PRRT3: variants seen among roughly 807,000 people sequenced by gnomAD.
The protein encoded by PRRT3 is proline rich transmembrane protein 3.
PRRT3 carries 48 observed loss-of-function variants against 56.6 expected under a neutral mutation model. The ratio of observed to expected loss-of-function variants is 0.85; its 90% CI spans 0.67 to 1.08. The LOEUF is 1.08. PRRT3 is among the 50% of genes least tolerant of loss of function. The pLI, the probability that PRRT3 is intolerant of heterozygous loss-of-function variation, is 0.00. For synonymous variants in PRRT3, 641 were observed against 619.1 expected (o/e 1.04, Z -0.52); for missense variants, 1,370 against 1,353.1 (o/e 1.01, Z -0.20).
At position 9,947,897 on chromosome 3, in the gene PRRT3, G is replaced by T. The variant is rs1261474191; in HGVS notation, c.1276C>A (p.Arg426=). The T allele has an allele frequency of 4.2e-6, 6 of 1,424,848 alleles. No homozygotes were observed. Among genetic ancestry groups the T allele is most frequent in the Non-Finnish European group, 5.5e-6 (6 of 1,091,612 alleles). The allele number at this position is 1,424,848 out of a possible 1,614,324, so 88.3% of individuals were successfully genotyped here. The change falls in exon 4 of 4, where the codon CGA becomes AGA. Residue 426 remains arginine (R), a synonymous_variant. Transcript: ENST00000412055. This position sits in a 1 kb window ranked among gnomAD's most constrained non-coding sequence, Gnocchi z 9.2. ...GGAGGGGGAGGCTGGCCCAGGGCTCGCTGCGTGGTGACTCGAATGAGGCCC... is the reference window on the plus strand; with the variant it reads ...GGAGGGGGAGGCTGGCCCAGGGCTCTCTGCGTGGTGACTCGAATGAGGCCC... ...RRGLIRVTTQ[R]ALGQPPPPEP... is the part of the protein sequence containing the mutation.
rs1457014010 is a variant in PRRT3, at chr3:9,949,507, G to A, written c.609C>T (p.Asp203=). 1 of 1,613,988 alleles carries A rather than the reference G, an allele frequency of 6.2e-7. No individual in the cohort carries two copies. The highest frequency in any genetic ancestry group is 1.7e-5 in the Admixed American group (1 of 60,014). ...KSRVPPTSPS[D]HQGPPHTLVS... ...CAAGGGTGTGGGGTGGGCCCTGGTG[G>A]TCTGAGGGAGAAGTGGGTGGGACCC... Residue 203 remains aspartate, a synonymous_variant, in exon 2 of 4, where the codon GAC becomes GAT. Transcript: ENST00000412055. The surrounding 1 kb of genome is among the most constrained non-coding windows in gnomAD (Gnocchi z 4.5).
chr3:9,947,653 G>C lies in PRRT3; in HGVS notation c.1520C>G (p.Ala507Gly). ...CGCCGAAGCCACGAGCACCAGCACC[G>C]CGGCCACCAATGCCAGCCGGGGCCC... ...PAGPRLALVA[A>G]VLVLVASALR... is the part of the protein sequence containing the mutation. Residue 507 changes from alanine to glycine, a missense_variant, in exon 4 of 4, where the codon GCG becomes GGG. Ala to Gly is a moderately conservative substitution (Grantham distance 60). Coordinates refer to ENST00000412055, the MANE Select transcript of PRRT3 (RefSeq NM_207351.5). The surrounding 1 kb of genome is among the most constrained non-coding windows in gnomAD (Gnocchi z 9.2). The C allele has an allele frequency of 6.4e-7, 1 of 1,571,328 alleles. No homozygotes were observed. Among genetic ancestry groups the C allele is most frequent in the Non-Finnish European group, 8.6e-7 (1 of 1,160,316 alleles).
At position 9,950,131 on chromosome 3, in the gene PRRT3, C is replaced by T. The variant is rs1370698637; in HGVS notation, c.-16G>A. On this transcript the variant is annotated 5_prime_UTR_variant, in exon 2 of 4. Coordinates refer to ENST00000412055, the MANE Select transcript of PRRT3 (RefSeq NM_207351.5). ...TGGAGGCCATGGTCTACTCCGATGCCTGGGCCTAAAGCCCCCACCTTCCAG... is the reference window on the plus strand; with the variant it reads ...TGGAGGCCATGGTCTACTCCGATGCTTGGGCCTAAAGCCCCCACCTTCCAG... 7.1e-7 allele frequency: 1 copy of T among 1,416,592 alleles called. No homozygotes were observed. The highest frequency in any genetic ancestry group is 2.0e-5 in the South Asian group (1 of 50,704). The allele number at this position is 1,416,592 out of a possible 1,614,324, so 87.8% of individuals were successfully genotyped here. A position where few individuals can be genotyped will look rare whatever the true frequency, so the allele number is the denominator to read the frequency against.
At position 9,949,330 on chromosome 3, in the gene PRRT3, G is replaced by C. The variant is rs754316216; in HGVS notation, c.786C>G (p.Tyr262Ter). ...VGSVPPVEVVYSQEPGAQPDL... is the reference protein window; with the variant it reads ...VGSVPPVEVV ...CTGGCTGGGCCCCTGGCTCCTGAGA[G>C]TACACCACCTCAACTGGGGGTACTG... The change falls in exon 2 of 4, where the codon TAC becomes TAG. Residue 262 changes from tyrosine to a stop codon, truncating the protein, a stop_gained. Transcript: ENST00000412055. LOFTEE classifies it high-confidence loss of function. The surrounding 1 kb of genome is among the most constrained non-coding windows in gnomAD (Gnocchi z 4.5). 1 of 1,614,118 alleles carries C rather than the reference G, an allele frequency of 6.2e-7. No individual in the cohort carries two copies. The highest frequency in any genetic ancestry group is 1.1e-5 in the South Asian group (1 of 91,092).
intron 3 of PRRT3, chr3:9,948,322 C>T: frequency 2.9e-6 from 1 of 350,096 alleles, no homozygotes; most frequent in Non-Finnish European, 5.1e-6. Flanking sequence ...GTGGCTTGGG[C>T]ATTGGAATTT....
chr3:9,948,596 A>T (rs1247059009), intron 3 of PRRT3, 162 bp downstream of exon 3: 3 of 753,698 alleles, frequency 4.0e-6, no homozygotes, highest in East Asian at 2.6e-5. Flanking sequence ...AGTGAGTATG[A>T]ATTTATTATC....
rs2085549862 is a variant in PRRT3, at chr3:9,947,625, C to T, written c.1548G>A (p.Leu516=). ...AAVLVLVASA[L]RSAYMLTDPY... ...GGTCGGTAAGCATGTAGGCGGATCG[C>T]AGCGCCGAAGCCACGAGCACCAGCA... Residue 516 remains leucine, a synonymous_variant, in exon 4 of 4, where the codon CTG becomes CTA. Transcript: ENST00000412055. The surrounding 1 kb of genome is among the most constrained non-coding windows in gnomAD (Gnocchi z 9.2). The T allele has an allele frequency of 1.3e-6, 2 of 1,582,952 alleles. No homozygotes were observed. The highest frequency in any genetic ancestry group is 8.6e-7 in the Non-Finnish European group (1 of 1,164,320).
At position 9,949,634 on chromosome 3, in the gene PRRT3, C is replaced by T. The variant is rs1347466534; in HGVS notation, c.482G>A (p.Arg161His). 4.3e-6 allele frequency: 7 copies of T among 1,614,102 alleles called. No individual in the cohort carries two copies. The highest frequency in any genetic ancestry group is 1.6e-4 in the Middle Eastern group (1 of 6,062). ...AGGAACTGTGGCTACCCTGAGTTGA[C>T]GTCTGGGAGTTGTGGGGATGAAAGT... is the stretch of plus-strand genomic sequence containing the variant. ...HLTFIPTTPR[R>H]QLRVATVPPS... The change falls in exon 2 of 4, where the codon CGT (arginine) becomes CAT (histidine). Residue 161 changes from arginine to histidine, a missense_variant. Coordinates refer to ENST00000412055, the MANE Select transcript of PRRT3 (RefSeq NM_207351.5). The surrounding 1 kb of genome is among the most constrained non-coding windows in gnomAD (Gnocchi z 4.5).
chr3:9,949,881 G>C lies in PRRT3; in HGVS notation c.235C>G (p.Pro79Ala), dbSNP rs1453797606. 1 of 1,613,374 alleles carries C rather than the reference G, an allele frequency of 6.2e-7. No individual in the cohort carries two copies. Among genetic ancestry groups the C allele is most frequent in the African/African-American group, 1.3e-5 (1 of 74,890 alleles). The change falls in exon 2 of 4, where the codon CCT (proline) becomes GCT (alanine). Residue 79 changes from proline to alanine, a missense_variant. Pro to Ala is a conservative substitution (Grantham distance 27). Transcript: ENST00000412055. This position sits in a 1 kb window ranked among gnomAD's most constrained non-coding sequence, Gnocchi z 4.5. ...SHRNSDVRHA[P>A]AEEMPEKPVA... ...GGCTTCTCAGGCATCTCTTCAGCAG[G>C]GGCGTGGCGGACATCAGAGTTCCTG...
In PRRT3 at chr3:9,947,405, G is replaced by A. The variant is rs2085544952; in HGVS notation, c.1768C>T (p.Leu590=). ...TTGAGCACAGACCATGTGGACAGCA[G>A]GTCTGTCGCGAGCAACCCTACACCA... ...VHGVGLLATD[L]LSTWSVLNLL... The change falls in exon 4 of 4, where the codon CTG becomes TTG. Residue 590 remains leucine, a synonymous_variant. Coordinates refer to ENST00000412055, the MANE Select transcript of PRRT3 (RefSeq NM_207351.5). This position sits in a 1 kb window ranked among gnomAD's most constrained non-coding sequence, Gnocchi z 9.2. 1 of 1,612,464 alleles carries A rather than the reference G, an allele frequency of 6.2e-7. No individual in the cohort carries two copies. The highest frequency in any genetic ancestry group is 8.5e-7 in the Non-Finnish European group (1 of 1,179,646).
rs1336380696 is a variant in PRRT3, at chr3:9,946,959, T to C, written c.2214A>G (p.Ala738=). 6 of 1,543,624 alleles carry C rather than the reference T, an allele frequency of 3.9e-6. No homozygotes were observed. In the Admixed American group the frequency reaches 7.7e-5, roughly 20 times the overall value. Residue 738 remains alanine, a synonymous_variant, in exon 4 of 4, where the codon GCA becomes GCG. Transcript: ENST00000412055. This position sits in a 1 kb window ranked among gnomAD's most constrained non-coding sequence, Gnocchi z 4.1. ...TGCCTGCACCAACGTTGCTGGGCCC[T>C]GCATAGCAGTTATTGGGTCGCTCCG... is the stretch of plus-strand genomic sequence containing the variant. ...EVPERPNNCY[A]GPSNVGAGSL...
At chr3:9,951,508 A>C (rs2085619473) in intron 1 of PRRT3, among the ~76,000 whole-genome samples, 1 of 152,216 alleles carries the variant, frequency 6.6e-6, no homozygotes, top group Admixed American at 6.5e-5. Context: ...ACTCGAGTTT[A>C]GACTCTGTCT....
chr3:9,946,648 G>T lies in PRRT3; in HGVS notation c.2525C>A (p.Pro842Gln). 1 of 1,397,606 alleles carries T rather than the reference G, an allele frequency of 7.2e-7. No homozygotes were observed. The highest frequency in any genetic ancestry group is 1.5e-5 in the African/African-American group (1 of 65,710). The allele number at this position is 1,397,606 out of a possible 1,614,324, so 86.6% of individuals were successfully genotyped here. A position where few individuals can be genotyped will look rare whatever the true frequency, so the allele number is the denominator to read the frequency against. ...QRCGLRGLAS[P>Q]PPGGALRPRR... Reference sequence around the variant, plus strand: ...CGGCCGCAGAGCGCCTCCAGGCGGCGGGGAGGCCAGGCCGCGGAGGCCGCA... The same window carrying T: ...CGGCCGCAGAGCGCCTCCAGGCGGCTGGGAGGCCAGGCCGCGGAGGCCGCA... Residue 842 changes from proline (P) to glutamine (Q), a missense_variant, in exon 4 of 4, where the codon CCG (proline) becomes CAG (glutamine). Transcript: ENST00000412055. This position sits in a 1 kb window ranked among gnomAD's most constrained non-coding sequence, Gnocchi z 4.1.
Position 9,946,737 on chromosome 3 carries a change from C to G in PRRT3, c.2436G>C (p.Leu812=), listed in dbSNP as rs2085530207. 4.6e-6 allele frequency: 7 copies of G among 1,517,876 alleles called. No homozygotes were observed. The highest frequency in any genetic ancestry group is 5.3e-6 in the Non-Finnish European group (6 of 1,142,278). The allele number at this position is 1,517,876 out of a possible 1,614,324, so 94.0% of individuals were successfully genotyped here. A position where few individuals can be genotyped will look rare whatever the true frequency, so the allele number is the denominator to read the frequency against. ...AGAGCGCGGCGTCGATGCTGCGGCTCAGGTTGATGGGCGATGGCGGCCGCA... is the reference window on the plus strand; with the variant it reads ...AGAGCGCGGCGTCGATGCTGCGGCTGAGGTTGATGGGCGATGGCGGCCGCA... The part of the protein sequence containing the change: ...LDLRPPSPIN[L]SRSIDAALFR... The change falls in exon 4 of 4, where the codon CTG becomes CTC. Residue 812 remains leucine (L), a synonymous_variant. Coordinates refer to ENST00000412055, the MANE Select transcript of PRRT3 (RefSeq NM_207351.5). This position sits in a 1 kb window ranked among gnomAD's most constrained non-coding sequence, Gnocchi z 4.1.
intron 3 of PRRT3, chr3:9,948,252 C>G (rs2085562664): frequency 5.2e-6 from 2 of 384,646 alleles, no homozygotes; most frequent in Non-Finnish European, 9.1e-6. Context: ...CCCAGCAGTT[C>G]GACACATGGG....
At chr3:9,948,185 G>A (rs1289086069) in intron 3 of PRRT3, 184 bp from the exon 4 acceptor site, 11 of 499,220 alleles carry the variant, frequency 2.2e-5, no homozygotes, top group Non-Finnish European at 3.2e-5. Context: ...CACCCAGTAA[G>A]TGCTAAATGG....
rs375628005 is a variant in PRRT3, at chr3:9,947,791, C to A, written c.1382G>T (p.Gly461Val). The A allele has an allele frequency of 2.3e-4, 337 of 1,463,058 alleles. 1 individual carries two copies. The highest frequency in any genetic ancestry group is 2.7e-4 in the Non-Finnish European group (297 of 1,108,554). 90.6% of individuals were successfully genotyped at this position (1,463,058 alleles called of 1,614,324 possible). ...ANATAPPLRWGPLRRVLSFSW... is the reference protein window; with the variant it reads ...ANATAPPLRWVPLRRVLSFSW... Reference sequence around the variant, plus strand: ...GAAGCTCAGGACCCGCCGAAGGGGGCCCCAGCGTAGCGGGGGTGCAGTGGC... The same window carrying A: ...GAAGCTCAGGACCCGCCGAAGGGGGACCCAGCGTAGCGGGGGTGCAGTGGC... Residue 461 changes from glycine (G) to valine (V), a missense_variant, in exon 4 of 4, where the codon GGC (glycine) becomes GTC (valine). By Grantham distance (109) the Gly-to-Val change is moderately radical. Coordinates refer to ENST00000412055, the MANE Select transcript of PRRT3 (RefSeq NM_207351.5). The surrounding 1 kb of genome is among the most constrained non-coding windows in gnomAD (Gnocchi z 9.2).
chr3:9,949,349 G>A lies in PRRT3; in HGVS notation c.767C>T (p.Pro256Leu), dbSNP rs747605026. The change falls in exon 2 of 4, where the codon CCC becomes CTC. Residue 256 changes from proline (P) to leucine (L), a missense_variant. Coordinates refer to ENST00000412055, the MANE Select transcript of PRRT3 (RefSeq NM_207351.5). This position sits in a 1 kb window ranked among gnomAD's most constrained non-coding sequence, Gnocchi z 4.5. ...CTGAGAGTACACCACCTCAACTGGG[G>A]GTACTGAGCCAACATCAGGGGCTGC... ...DPAAPDVGSVPPVEVVYSQEP... is the reference protein window; with the variant it reads ...DPAAPDVGSVLPVEVVYSQEP... 16 of 1,614,058 alleles carry A rather than the reference G, an allele frequency of 9.9e-6. No individual in the cohort carries two copies. The highest frequency in any genetic ancestry group is 5.5e-5 in the South Asian group (5 of 91,094).
chr3:9,946,946 C>T lies in PRRT3; in HGVS notation c.2227G>A (p.Val743Ile). Residue 743 changes from valine to isoleucine, a missense_variant, in exon 4 of 4, where the codon GTT becomes ATT. Val to Ile is a conservative substitution (Grantham distance 29). Transcript: ENST00000412055. This position sits in a 1 kb window ranked among gnomAD's most constrained non-coding sequence, Gnocchi z 4.1. Reference sequence around the variant, plus strand: ...CTGATGTCCAAGCTGCCTGCACCAACGTTGCTGGGCCCTGCATAGCAGTTA... The same window carrying T: ...CTGATGTCCAAGCTGCCTGCACCAATGTTGCTGGGCCCTGCATAGCAGTTA... ...PNNCYAGPSN[V>I]GAGSLDISKS... 1 of 1,542,316 alleles carries T rather than the reference C, an allele frequency of 6.5e-7. No homozygotes were observed.
Sources: gnomAD v4.1 joint callset for allele counts (sites outside exome capture counted in the v4.1 genomes callset) on GRCh38, gnomAD v4.1.1 for gene constraint, Gnocchi (gnomAD v3.1) non-coding constraint, MANE v1.5 for transcripts, NCBI Gene and HGNC (gene_info 2026-07-23, HGNC 2026-07-21) for gene names.